The following RBM34 variants were observed in gnomAD, a reference collection of about 807,000 sequenced individuals.
RBM34 encodes the protein RNA-binding protein 34.
RBM34 carries 39 observed loss-of-function variants against 44.6 expected under a neutral mutation model. The ratio of observed to expected loss-of-function variants is 0.87; its 90% CI spans 0.68 to 1.14. The LOEUF is 1.14. Ranked by LOEUF, RBM34 falls within the 50% of genes most tolerant of loss-of-function variation. The probability of loss-of-function intolerance (pLI) is 0.00; values close to 1 mark genes in which losing one functional copy is unlikely to be tolerated. For missense variants in RBM34, 572 were observed against 517.9 expected (o/e 1.10, Z -1.01); for synonymous variants, 194 against 184.0 (o/e 1.05, Z -0.44).
At chr1:235,156,558 A>G (rs1487026146) in intron 3 of RBM34, 1 of 414,976 alleles carries the variant, frequency 2.4e-6, no homozygotes, top group Non-Finnish European at 4.8e-6. Context: ...CAGATTCCCT[A>G]CTTCTAATAC....
rs112038793 is a variant in RBM34, at chr1:235,160,961, C to T, written c.160G>A (p.Gly54Ser). 7.1e-4 allele frequency: 1,152 copies of T among 1,614,138 alleles called. 9 individuals are homozygous for T. In the African/African-American group the frequency reaches 0.013, roughly 18 times the overall value. The stretch of plus-strand genomic sequence containing the variant: ...GAACTGAAGAGGGACGCCAGCCGAC[C>T]GGTGCCACCTCTGGAATGGTGTTCG... The part of the protein sequence containing the change: ...RGEHHSRGGT[G>S]RLASLFSSLE... The change falls in exon 2 of 11, where the codon GGT (glycine) becomes AGT (serine). Residue 54 changes from glycine (G) to serine (S), a missense_variant. Physicochemically the swap from Gly to Ser is moderately conservative, Grantham distance 56. Coordinates refer to ENST00000408888, the MANE Select transcript of RBM34 (RefSeq NM_015014.4).
chr1:235,136,848 ACC>A (rs1661451852), intron 8 of RBM34, among the ~76,000 whole-genome samples: 2 of 152,126 alleles, frequency 1.3e-5, no homozygotes, highest in Admixed American at 6.6e-5. Context: ...TACATACCTC[ACC>A]CACCTAATAA....
chr1:235,138,470 C>T (rs1016456963), intron 6 of RBM34, among the ~76,000 whole-genome samples: 14 of 152,182 alleles, frequency 9.2e-5, no homozygotes, highest in African/African-American at 3.4e-4. Flanking sequence ...TAAAAACTGA[C>T]ATCTTAGCTG....
At chr1:235,159,028 C>A (rs1233150308) in intron 3 of RBM34, among the ~76,000 whole-genome samples, 1 of 150,908 alleles carries the variant, frequency 6.6e-6, no homozygotes, top group African/African-American at 2.4e-5. Flanking sequence ...GCCTGGGCAA[C>A]ATGGCAAAAT....
intron 3 of RBM34, among the ~76,000 whole-genome samples, chr1:235,158,687 T>A (rs1036433065): frequency 6.6e-6 from 1 of 151,954 alleles, no homozygotes; most frequent in African/African-American, 2.4e-5. Flanking sequence ...GGTACAAAGG[T>A]CTTCAGTTGA....
At chr1:235,151,652 C>T (rs1662161593) in intron 5 of RBM34, among the ~76,000 whole-genome samples, 1 of 152,062 alleles carries the variant, frequency 6.6e-6, no homozygotes, top group Non-Finnish European at 1.5e-5. Context: ...CAGCCTCCAA[C>T]AACAAAGAAT....
chr1:235,132,453 C>T (rs1353445754), intron 10 of RBM34, among the ~76,000 whole-genome samples: 5 of 152,074 alleles, frequency 3.3e-5, no homozygotes, highest in African/African-American at 4.8e-5. Context: ...GGATTACAGG[C>T]GCGGGCCAAC....
At chr1:235,138,766 G>A (rs1661545018) in intron 6 of RBM34, among the ~76,000 whole-genome samples, 2 of 151,986 alleles carry the variant, frequency 1.3e-5, no homozygotes, top group South Asian at 4.1e-4. Context: ...TCATACTTTG[G>A]TCTTGTCTAT....
intron 8 of RBM34, 106 bp downstream of exon 8, chr1:235,137,771 C>CAG: frequency 2.4e-6 from 2 of 834,016 alleles, no homozygotes; most frequent in Non-Finnish European, 3.8e-6. Flanking sequence ...TTTCCTTCTG[C>CAG]GCTTCCCTCA....
Position 235,133,425 on chromosome 1 carries a change from G to A in RBM34, c.1009-1428C>T, listed in dbSNP as rs578100630. Among the ~76,000 whole-genome samples the A allele has an allele frequency of 7.9e-5, 12 of 152,248 alleles. No individual in the cohort carries two copies. The South Asian group carries it at 1.2e-3, about 16-fold the overall frequency. ...TACCAAGGTCCAACATGAGAGAAAT[G>A]ACAGTATAAACTCTGTTATATCACT... is the stretch of plus-strand genomic sequence containing the variant. On this transcript the variant is annotated intron_variant, in intron 10 of 10. Transcript: ENST00000408888.
intron 4 of RBM34, among the ~76,000 whole-genome samples, chr1:235,153,349 A>C (rs1572164313): frequency 2.0e-5 from 3 of 151,942 alleles, no homozygotes; most frequent in Admixed American, 6.6e-5. Context: ...AACCTTTATC[A>C]CATGTAAATT....
At position 235,154,395 on chromosome 1, in the gene RBM34, CA is replaced by C. The variant is rs536247710; in HGVS notation, c.597+485del. 7.3e-4 allele frequency among the ~76,000 whole-genome samples: 101 copies of C among 138,428 alleles called. 1 individual carries two copies. Among genetic ancestry groups the C allele is most frequent in the African/African-American group, 2.2e-3 (83 of 37,608 alleles). The allele number at this position is 138,428 out of a possible 152,430, so 90.8% of individuals were successfully genotyped here. A position where few individuals can be genotyped will look rare whatever the true frequency, so the allele number is the denominator to read the frequency against. On this transcript the variant is annotated intron_variant, in intron 4 of 10. Transcript: ENST00000408888. ...GAGACCAGCCTGGGCAACATAGTCA[CA>C]AAAAAAAAAACACAAAAATTAGCCA... is the stretch of plus-strand genomic sequence containing the variant.
intron 5 of RBM34, among the ~76,000 whole-genome samples, 159 bp from the exon 6 acceptor site, chr1:235,148,606 T>G (rs1662014951): frequency 6.6e-6 from 1 of 151,882 alleles, no homozygotes; most frequent in Non-Finnish European, 1.5e-5. Context: ...TTTTTTTTTT[T>G]TTTTCCTGTT....
chr1:235,159,831 T>C (rs1215186103), intron 3 of RBM34, among the ~76,000 whole-genome samples: 1 of 146,878 alleles, frequency 6.8e-6, no homozygotes, highest in African/African-American at 2.5e-5. Flanking sequence ...ATCAGGCCAC[T>C]GCACTCCAGT....
chr1:235,135,298 G>A (rs1323814871), intron 10 of RBM34, among the ~76,000 whole-genome samples: 2 of 150,736 alleles, frequency 1.3e-5, no homozygotes, highest in African/African-American at 2.5e-5. Flanking sequence ...GCACGATCTC[G>A]GCTCACTGCA....
At chr1:235,151,445 T>C (rs1294841388) in intron 5 of RBM34, among the ~76,000 whole-genome samples, 1 of 152,148 alleles carries the variant, frequency 6.6e-6, no homozygotes, top group Non-Finnish European at 1.5e-5. Flanking sequence ...GGGAAATAAA[T>C]ACCCTGACAG....
Position 235,135,753 on chromosome 1 carries a change from T to A in RBM34, c.907A>T (p.Ile303Phe). 6.2e-7 allele frequency: 1 copy of A among 1,613,966 alleles called. No individual in the cohort carries two copies. Among genetic ancestry groups the A allele is most frequent in the Non-Finnish European group, 8.5e-7 (1 of 1,179,850 alleles). Residue 303 changes from isoleucine (I) to phenylalanine (F), a missense_variant, in exon 10 of 11, where the codon ATT (isoleucine) becomes TTT (phenylalanine). Ile to Phe is a conservative substitution (Grantham distance 21). Transcript: ENST00000408888. ...CCACAGTCCAGAAAGTGCTTCTCAA[T>A]GGCAGATTCTTCAACTTCTGAAAAC... ...NLPYKVEESA[I>F]EKHFLDCGSI...
intron 5 of RBM34, among the ~76,000 whole-genome samples, chr1:235,150,472 G>C (rs187631675): frequency 1.4e-4 from 21 of 152,142 alleles, no homozygotes; most frequent in African/African-American, 5.1e-4. Flanking sequence ...ATAAAGTATC[G>C]GAAAAGCTTT....
chr1:235,132,820 G>GT (rs1203369966), intron 10 of RBM34, among the ~76,000 whole-genome samples: 1 of 152,116 alleles, frequency 6.6e-6, no homozygotes, highest in Non-Finnish European at 1.5e-5. Context: ...TCCATGAGAT[G>GT]TTTGTTAAAG....
Sources: gnomAD v4.1 joint callset for allele counts (sites outside exome capture counted in the v4.1 genomes callset) on GRCh38, gnomAD v4.1.1 for gene constraint, MANE v1.5 for transcripts, NCBI Gene and HGNC (gene_info 2026-07-23, HGNC 2026-07-21) for gene names.